Variants in SENP2 observed in about 807,000 individuals in gnomAD.
The protein encoded by SENP2 is SUMO specific peptidase 2.
In SENP2, 16 loss-of-function variants were observed where a neutral mutation model predicts 86.3. The observed-to-expected ratio is 0.19, with a 90% CI of 0.13 to 0.28. The LOEUF (loss-of-function observed/expected upper bound fraction) is 0.28. SENP2 is among the 10% of genes least tolerant of loss of function. SENP2 has a pLI of 1.00. For missense variants in SENP2, 552 were observed against 703.0 expected, an observed-to-expected ratio of 0.79 and a Z score of 2.43; for synonymous variants, 222 against 238.7, an observed-to-expected ratio of 0.93 and a Z score of 0.64.
chr3:185,593,949 G>A (rs1443340243), intron 2 of SENP2, among the ~76,000 whole-genome samples: 1 of 151,774 alleles, frequency 6.6e-6, no homozygotes, highest in Non-Finnish European at 1.5e-5. Flanking sequence ...GACTGGTCTC[G>A]AATTCCTGAC....
At chr3:185,616,632 G>A (rs964472771) in intron 11 of SENP2, among the ~76,000 whole-genome samples, 6 of 151,970 alleles carry the variant, frequency 3.9e-5, no homozygotes, top group South Asian at 4.2e-4. Flanking sequence ...AAAATTAGCC[G>A]GGCGTGGTGG....
rs1712501048 is a variant in SENP2 at position 185,632,052 on chromosome 3, A to G, written c.*2208A>G. 6.6e-6 allele frequency: 1 copy of G among 151,730 alleles called. No homozygotes were observed. The highest frequency in any genetic ancestry group is 1.5e-5 in the Non-Finnish European group (1 of 67,964). The allele number at this position is 151,730 out of a possible 1,614,324, so 9.4% of individuals were successfully genotyped here. A position where few individuals can be genotyped will look rare whatever the true frequency, so the allele number is the denominator to read the frequency against. ...TTGAATGTGGGAGACCACAGGCCAT[A>G]CTTCTCTAGGCACTCACATGTCTCC... On this transcript the variant is annotated 3_prime_UTR_variant, in exon 17 of 17. Transcript: ENST00000296257.
chr3:185,592,040 A>G (rs1384420116), intron 2 of SENP2, among the ~76,000 whole-genome samples: 2 of 24,762 alleles, frequency 8.1e-5, no homozygotes, highest in African/African-American at 2.5e-4. Flanking sequence ...TTTTTGAGAC[A>G]GGATCTTGCT....
At chr3:185,618,144 A>G (rs903676690) in intron 12 of SENP2, among the ~76,000 whole-genome samples, 2 of 152,114 alleles carry the variant, frequency 1.3e-5, no homozygotes, top group East Asian at 3.9e-4. Flanking sequence ...GGGTTTCTCC[A>G]TGTTGGTCAG....
intron 1 of SENP2, among the ~76,000 whole-genome samples, chr3:185,587,910 G>A (rs980782586): frequency 4.7e-5 from 7 of 149,520 alleles, no homozygotes; most frequent in Non-Finnish European, 8.9e-5. Flanking sequence ...TATATTTTTT[G>A]TATTTTTTTT....
chr3:185,629,459 T>A (rs1712312653), intron 16 of SENP2, among the ~76,000 whole-genome samples: 1 of 151,788 alleles, frequency 6.6e-6, no homozygotes, highest in Non-Finnish European at 1.5e-5. Context: ...ATACCTGTAG[T>A]CCCAGCTACG....
At chr3:185,612,504 T>C (rs1469453359) in intron 8 of SENP2, 103 bp from the exon 9 acceptor site, 6 of 766,292 alleles carry the variant, frequency 7.8e-6, no homozygotes, top group Non-Finnish European at 1.1e-5. Context: ...CATTTCAATG[T>C]AGAGGAATGT....
rs1712428150 is a variant in SENP2 at position 185,630,940 on chromosome 3, G to A, written c.*1096G>A. ...TGCCAGTTATACAATAATCTATTTT[G>A]CATATGAAAGTTTGTATTTAACTTT... On this transcript the variant is annotated 3_prime_UTR_variant, in exon 17 of 17. Transcript: ENST00000296257. The A allele has an allele frequency of 6.6e-6, 1 of 152,066 alleles. No individual in the cohort carries two copies. Among genetic ancestry groups the A allele is most frequent in the South Asian group, 2.1e-4 (1 of 4,816 alleles). 9.4% of individuals were successfully genotyped at this position (152,066 alleles called of 1,614,324 possible).
intron 2 of SENP2, among the ~76,000 whole-genome samples, chr3:185,592,011 CTTTTTTTT>C (rs149268515): frequency 4.6e-5 from 3 of 65,804 alleles, no homozygotes; most frequent in African/African-American, 1.2e-4. Context: ...GGTAATATTT[CTTTTTTTT>C]TTTTTTTTTT....
At chr3:185,628,112 A>T (rs1340648767) in intron 16 of SENP2, among the ~76,000 whole-genome samples, 1 of 152,092 alleles carries the variant, frequency 6.6e-6, no homozygotes, top group Non-Finnish European at 1.5e-5. Flanking sequence ...CCCCACCCCT[A>T]GGGAGGACAT....
At position 185,606,505 on chromosome 3, in the gene SENP2, CT is replaced by C. The variant is rs1404213837; in HGVS notation, c.618+11del. 5 of 1,564,200 alleles carry C rather than the reference CT, an allele frequency of 3.2e-6. No individual in the cohort carries two copies. Among genetic ancestry groups the C allele is most frequent in the African/African-American group, 1.4e-5 (1 of 72,234 alleles). ...CCATTGTACTGTGGAGGAGGTAAGCCTTTTCAGCTTGATTTCTTTAAAAAAA... is the reference window on the plus strand; with the variant it reads ...CCATTGTACTGTGGAGGAGGTAAGCCTTTCAGCTTGATTTCTTTAAAAAAA... On this transcript the variant is annotated splice_region_variant and intron_variant, in intron 6 of 16. Coordinates refer to ENST00000296257, the MANE Select transcript of SENP2 (RefSeq NM_021627.3).
intron 13 of SENP2, among the ~76,000 whole-genome samples, chr3:185,620,230 T>A (rs1711795692): frequency 6.6e-6 from 1 of 151,764 alleles, no homozygotes; most frequent in Non-Finnish European, 1.5e-5. Flanking sequence ...GCCTGGCTAA[T>A]TTTTTTTAAT....
At chr3:185,597,328 G>A (rs1376728260) in intron 2 of SENP2, among the ~76,000 whole-genome samples, 3 of 151,924 alleles carry the variant, frequency 2.0e-5, no homozygotes, top group Admixed American at 2.0e-4. Context: ...CAGTTATTCA[G>A]CTAGAAAAAT....
At chr3:185,597,448 G>A (rs981216550) in intron 2 of SENP2, among the ~76,000 whole-genome samples, 2 of 152,026 alleles carry the variant, frequency 1.3e-5, no homozygotes, top group Non-Finnish European at 1.5e-5. Flanking sequence ...CGCCTCCCAG[G>A]TTCCAGCGAT....
rs745401797 is a variant in SENP2 at position 185,606,482 on chromosome 3, A to G, written c.602A>G (p.His201Arg). The G allele has an allele frequency of 4.4e-6, 7 of 1,602,968 alleles. 1 individual carries two copies. Among genetic ancestry groups the G allele is most frequent in the Middle Eastern group, 3.3e-4 (2 of 6,012 alleles). Residue 201 changes from histidine (H) to arginine (R), a missense_variant, in exon 6 of 17, where the codon CAT (histidine) becomes CGT (arginine). His to Arg is a conservative substitution (Grantham distance 29). This residue lies in a region of SENP2 where 383 missense variants were observed against 427.3 expected (regional missense o/e 0.90). Transcript: ENST00000296257. ...EESGKGLRRPHCTVEEGVQKE... is the reference protein window; with the variant it reads ...EESGKGLRRPRCTVEEGVQKE... ...AGTGGCAAGGGTCTGAGGCGTCCCC[A>G]TTGTACTGTGGAGGAGGTAAGCCTT... is the stretch of plus-strand genomic sequence containing the variant.
intron 2 of SENP2, among the ~76,000 whole-genome samples, chr3:185,590,810 A>C (rs115865582): frequency 0.25 from 29,046 of 117,856 alleles, 3,867 homozygotes; most frequent in African/African-American, 0.29. Context: ...GCAGTGAGCC[A>C]AGAATCTGCT....
chr3:185,614,195 T>C lies in SENP2; in HGVS notation c.934-369T>C, dbSNP rs117894938. Among the ~76,000 whole-genome samples, 10 of 152,332 alleles carry C rather than the reference T, an allele frequency of 6.6e-5. No individual in the cohort carries two copies. The East Asian group carries it at 1.7e-3, about 26-fold the overall frequency. On this transcript the variant is annotated intron_variant, in intron 10 of 16. Transcript: ENST00000296257. The stretch of plus-strand genomic sequence containing the variant: ...CCAAGTTGAGTTACTATAAAGATAG[T>C]AGGGATTTATTCTGAGTGATGGGAT...
Position 185,614,709 on chromosome 3 carries a change from G to C in SENP2, c.1079G>C (p.Arg360Thr). Residue 360 changes from arginine to threonine, a missense_variant, in exon 11 of 17, where the codon AGA becomes ACA. Physicochemically the swap from Arg to Thr is moderately conservative, Grantham distance 71 (BLOSUM62 -1). Transcript: ENST00000296257. ...AATTGCTCAGGCAAAGAGAGGGACA[G>C]AAGAACGGACGATCTCCTTGAACTT... is the stretch of plus-strand genomic sequence containing the variant. ...EKNCSGKERDRRTDDLLELTE... is the reference protein window; with the variant it reads ...EKNCSGKERDTRTDDLLELTE... The C allele has an allele frequency of 6.2e-7, 1 of 1,614,184 alleles. No homozygotes were observed. The highest frequency in any genetic ancestry group is 8.5e-7 in the Non-Finnish European group (1 of 1,180,028).
Position 185,619,491 on chromosome 3 carries a change from T to C in SENP2, c.1435T>C (p.Trp479Arg). 1 of 1,613,954 alleles carries C rather than the reference T, an allele frequency of 6.2e-7. No homozygotes were observed. Among genetic ancestry groups the C allele is most frequent in the Non-Finnish European group, 8.5e-7 (1 of 1,179,878 alleles). The change falls in exon 13 of 17, where the codon TGG becomes CGG. Residue 479 changes from tryptophan (W) to arginine (R), a missense_variant. Coordinates refer to ENST00000296257, the MANE Select transcript of SENP2 (RefSeq NM_021627.3). ...GGTGCCTATTCATCGGAAGGTACAT[T>C]GGAGCCTGGTGGTGAGTAGAGAGGG... ...ILVPIHRKVH[W>R]SLVVIDLRKK...
Sources: gnomAD v4.1 joint callset for allele counts (sites outside exome capture counted in the v4.1 genomes callset) on GRCh38, gnomAD v4.1.1 for gene constraint, gnomAD v4.1.1 regional missense constraint, MANE v1.5 for transcripts, NCBI Gene and HGNC (gene_info 2026-07-23, HGNC 2026-07-21) for gene names.